Variants in DNAAF11 observed in about 807,000 individuals in gnomAD.
The protein encoded by DNAAF11 is dynein axonemal assembly factor 11.
A neutral mutation model predicts 60.8 loss-of-function variants in DNAAF11; 45 were observed. The observed-to-expected ratio is 0.74, with a 90% CI of 0.58 to 0.95. The LOEUF (loss-of-function observed/expected upper bound fraction) is 0.95. Among genes scored for constraint, DNAAF11 ranks in the 40% least tolerant of loss-of-function variants. The pLI, the probability that DNAAF11 is intolerant of heterozygous loss-of-function variation, is 0.00. For missense variants in DNAAF11, 546 were observed against 546.2 expected (o/e 1.00, Z 0.00); for synonymous variants, 191 against 183.5 (o/e 1.04, Z -0.33).
In DNAAF11 at chr8:132,661,495, A is replaced by G; in HGVS notation, c.143T>C (p.Ile48Thr). 1 of 1,613,380 alleles carries G rather than the reference A, an allele frequency of 6.2e-7. No individual in the cohort carries two copies. ...HIDKWCRDLK[I>T]LYLQNNLIGK... ...AATAAGATTATTTTGAAGATAGAGAATTTTTAAATCCCGGCACCATTTATC... is the reference window on the plus strand; with the variant it reads ...AATAAGATTATTTTGAAGATAGAGAGTTTTTAAATCCCGGCACCATTTATC... Residue 48 changes from isoleucine (I) to threonine (T), a missense_variant, in exon 2 of 12, where the codon ATT (isoleucine) becomes ACT (threonine). Ile to Thr is a moderately conservative substitution (Grantham distance 89). Transcript: ENST00000620350.
intron 10 of DNAAF11, among the ~76,000 whole-genome samples, chr8:132,584,488 T>C (rs1012950150): frequency 6.6e-6 from 1 of 152,084 alleles, no homozygotes; most frequent in African/African-American, 2.4e-5. Context: ...CACCTACCAA[T>C]ATCAACACTG....
chr8:132,648,864 C>T (rs1822692170), intron 3 of DNAAF11, among the ~76,000 whole-genome samples: 2 of 152,050 alleles, frequency 1.3e-5, no homozygotes, highest in Non-Finnish European at 2.9e-5. Flanking sequence ...TAAAAGAGGA[C>T]ATAAACAAAT....
Position 132,632,859 on chromosome 8 carries a change from A to C in DNAAF11, c.534T>G (p.Leu178=). The change falls in exon 5 of 12, where the codon CTT becomes CTG. Residue 178 remains leucine, a synonymous_variant. Transcript: ENST00000620350. The part of the protein sequence containing the change: ...QIREQEKDHC[L]KRAKLKEEAQ... ...CCTCTTCCTTGAGTTTGGCTCGTTT[A>C]AGACAGTGATCTTTTTCCTGCTCTC... is the stretch of plus-strand genomic sequence containing the variant. 9 of 1,613,706 alleles carry C rather than the reference A, an allele frequency of 5.6e-6. No homozygotes were observed. The highest frequency in any genetic ancestry group is 7.6e-6 in the Non-Finnish European group (9 of 1,179,736).
chr8:132,683,717 TG>T, the DNAAF11 span, among the ~76,000 whole-genome samples: 1 of 152,200 alleles, frequency 6.6e-6, no homozygotes, highest in East Asian at 1.9e-4. Flanking sequence ...TAGTTTCTCA[TG>T]TGTTACTTTT....
the DNAAF11 span, among the ~76,000 whole-genome samples, chr8:132,699,991 C>T: frequency 6.6e-6 from 1 of 152,012 alleles, no homozygotes; most frequent in African/African-American, 2.4e-5. Context: ...CTTCAGGTTA[C>T]AAAAATGTCT....
the DNAAF11 span, among the ~76,000 whole-genome samples, chr8:132,681,130 C>T: frequency 6.8e-6 from 1 of 146,202 alleles, no homozygotes; most frequent in Non-Finnish European, 1.5e-5. Context: ...CCTGCCTCAG[C>T]CTCCCAAGTA....
the DNAAF11 span, among the ~76,000 whole-genome samples, chr8:132,697,399 C>T: frequency 1.3e-5 from 2 of 152,116 alleles, no homozygotes; most frequent in African/African-American, 4.8e-5. Flanking sequence ...GGGCAGATCA[C>T]TTGAGGTCAG....
intron 1 of DNAAF11, among the ~76,000 whole-genome samples, chr8:132,674,496 C>T (rs952767620): frequency 6.6e-5 from 10 of 152,100 alleles, no homozygotes; most frequent in African/African-American, 2.4e-4. Flanking sequence ...ACAAAACTGC[C>T]ATATGGGGAG....
the DNAAF11 span, among the ~76,000 whole-genome samples, chr8:132,688,653 T>G: frequency 6.6e-6 from 1 of 152,198 alleles, no homozygotes; most frequent in South Asian, 2.1e-4. Flanking sequence ...ACCACTGAAG[T>G]AGAGAAGCCT....
At chr8:132,660,250 A>C (rs1248818594) in intron 2 of DNAAF11, among the ~76,000 whole-genome samples, 2 of 151,692 alleles carry the variant, frequency 1.3e-5, no homozygotes, top group African/African-American at 2.4e-5. Flanking sequence ...ATTATACTTT[A>C]AGTTTTAGGG....
Position 132,570,763 on chromosome 8 carries a change from G to A in DNAAF11, c.*1543C>T, listed in dbSNP as rs112307844. Among the ~76,000 whole-genome samples, 237 of 152,254 alleles carry A rather than the reference G, an allele frequency of 1.6e-3. No individual in the cohort carries two copies. Among genetic ancestry groups the A allele is most frequent in the African/African-American group, 5.4e-3 (223 of 41,554 alleles). ...GTGTGTCCATCCCATCTTTCTTACC[G>A]CAGGCCTGCTGACGAAGGCTGGCTC... On this transcript the variant is annotated 3_prime_UTR_variant, in exon 12 of 12. Transcript: ENST00000620350.
intron 5 of DNAAF11, among the ~76,000 whole-genome samples, chr8:132,627,554 A>C (rs995193550): frequency 3.9e-5 from 6 of 152,352 alleles, no homozygotes; most frequent in African/African-American, 1.2e-4. Context: ...ATTTTCAGGT[A>C]CTAAAGGGTC....
At chr8:132,702,480 A>T in the DNAAF11 span, among the ~76,000 whole-genome samples, 3 of 152,194 alleles carry the variant, frequency 2.0e-5, no homozygotes, top group Non-Finnish European at 2.9e-5. Context: ...GCCCACAGTT[A>T]GTCTCTCCTT....
intron 3 of DNAAF11, among the ~76,000 whole-genome samples, chr8:132,644,985 T>C (rs1298838460): frequency 8.5e-5 from 13 of 152,146 alleles, no homozygotes; most frequent in Admixed American, 8.5e-4. Flanking sequence ...AAGAGAGTAG[T>C]GGTCCTCCCA....
At chr8:132,611,154 A>C (rs368223149) in intron 9 of DNAAF11, 140 bp downstream of exon 9, 4 of 531,764 alleles carry the variant, frequency 7.5e-6, no homozygotes, top group Non-Finnish European at 1.3e-5. Context: ...TTGGCCTCCC[A>C]AAGTGCTGGG....
At chr8:132,604,228 G>A (rs970185274) in intron 10 of DNAAF11, among the ~76,000 whole-genome samples, 1 of 152,146 alleles carries the variant, frequency 6.6e-6, no homozygotes, top group Non-Finnish European at 1.5e-5. Flanking sequence ...CATTTGTGTT[G>A]GGTATATCAC....
intron 7 of DNAAF11, among the ~76,000 whole-genome samples, chr8:132,618,404 A>G (rs1243540612): frequency 9.4e-6 from 1 of 106,318 alleles, no homozygotes; most frequent in Non-Finnish European, 1.9e-5. Flanking sequence ...CTTCATGTCT[A>G]AAACACCAAA....
At chr8:132,625,704 G>C (rs2293981) in intron 5 of DNAAF11, among the ~76,000 whole-genome samples, 3 of 152,060 alleles carry the variant, frequency 2.0e-5, no homozygotes, top group African/African-American at 4.8e-5. Context: ...CTATCATCAG[G>C]AATATTGCTG....
At chr8:132,647,336 C>A (rs935765016) in intron 3 of DNAAF11, among the ~76,000 whole-genome samples, 1 of 152,068 alleles carries the variant, frequency 6.6e-6, no homozygotes, top group Admixed American at 6.5e-5. Flanking sequence ...AAAGACACAA[C>A]CTAACAGAAT....
Sources: gnomAD v4.1 joint callset for allele counts (sites outside exome capture counted in the v4.1 genomes callset) on GRCh38, gnomAD v4.1.1 for gene constraint, MANE v1.5 for transcripts, NCBI Gene and HGNC (gene_info 2026-07-23, HGNC 2026-07-21) for gene names.